ALDH16A1: variants seen among roughly 807,000 people sequenced by gnomAD.
The protein encoded by ALDH16A1 is aldehyde dehydrogenase 16 family member A1.
ALDH16A1 carries 88 observed loss-of-function variants against 96.1 expected under a neutral mutation model. That is an observed-to-expected ratio of 0.92 (90% CI 0.77 to 1.09). ALDH16A1 has a LOEUF of 1.09. ALDH16A1 is among the 50% of genes least tolerant of loss of function. The pLI is 0.00. For missense variants in ALDH16A1, 1,250 were observed against 1,112.6 expected, an observed-to-expected ratio of 1.12 and a Z score of -1.76; for synonymous variants, 522 against 496.4, an observed-to-expected ratio of 1.05 and a Z score of -0.69.
Position 49,459,003 on chromosome 19 carries a change from G to A in ALDH16A1, c.237G>A (p.Val79=), listed in dbSNP as rs372780806. The change falls in exon 3 of 17, where the codon GTG becomes GTA. Residue 79 remains valine (V), a synonymous_variant. Coordinates refer to ENST00000293350, the MANE Select transcript of ALDH16A1 (RefSeq NM_153329.4). The surrounding 1 kb of genome is among the most constrained non-coding windows in gnomAD (Gnocchi z 4.1). The part of the protein sequence containing the change: ...ASCLQAQAED[V]AAAVEAARMA... ...GCCTGCAGGCACAGGCCGAGGATGTGGCTGCAGCCGTGGAGGCAGCCAGGA... is the reference window on the plus strand; with the variant it reads ...GCCTGCAGGCACAGGCCGAGGATGTAGCTGCAGCCGTGGAGGCAGCCAGGA... 1 of 1,613,482 alleles carries A rather than the reference G, an allele frequency of 6.2e-7. No homozygotes were observed. Among genetic ancestry groups the A allele is most frequent in the African/African-American group, 1.3e-5 (1 of 75,062 alleles).
At chr19:49,460,992 G>A (rs957095619) in intron 5 of ALDH16A1, 93 bp downstream of exon 5, 5 of 1,369,574 alleles carry the variant, frequency 3.7e-6, no homozygotes, top group South Asian at 1.2e-5. Context: ...CAAGGGGGCT[G>A]GAGGCCTGGA....
intron 7 of ALDH16A1, 46 bp downstream of exon 7, chr19:49,462,082 G>A: frequency 6.7e-7 from 1 of 1,493,728 alleles, no homozygotes; most frequent in Non-Finnish European, 8.8e-7. Flanking sequence ...GAGGCCGTTG[G>A]TGTCTGTCTC....
chr19:49,453,462 A>G (rs1296389358), intron 1 of ALDH16A1, 41 bp downstream of exon 1: 5 of 1,485,008 alleles, frequency 3.4e-6, no homozygotes, highest in South Asian at 1.2e-5. Context: ...TGCGTTCCCC[A>G]GGCCTGGGCG....
chr19:49,458,174 A>G (rs1232876935), intron 1 of ALDH16A1, among the ~76,000 whole-genome samples: 1 of 151,848 alleles, frequency 6.6e-6, no homozygotes, highest in Non-Finnish European at 1.5e-5. Flanking sequence ...AGCTGAGATC[A>G]TGCCACTGCA....
At chr19:49,466,589 A>T (rs2079201195) in intron 14 of ALDH16A1, among the ~76,000 whole-genome samples, 1 of 152,218 alleles carries the variant, frequency 6.6e-6, no homozygotes, top group African/African-American at 2.4e-5. Context: ...CTGGGGGCGC[A>T]GTGGCTCACG....
At chr19:49,457,277 G>A (rs2079110076) in intron 1 of ALDH16A1, among the ~76,000 whole-genome samples, 1 of 152,132 alleles carries the variant, frequency 6.6e-6, no homozygotes, top group South Asian at 2.1e-4. Context: ...TCCGGGCGCA[G>A]TGGCTCACGC....
chr19:49,466,385 C>A, intron 14 of ALDH16A1, 102 bp downstream of exon 14: 1 of 1,224,248 alleles, frequency 8.2e-7, no homozygotes, highest in Non-Finnish European at 1.1e-6. Context: ...CCAGCCCCAC[C>A]GCCTTCCACG....
Position 49,461,808 on chromosome 19 carries a change from C to G in ALDH16A1, c.759+8C>G. ...TTCTGCGGAGCCCCGGAGGTACCTT[C>G]GGGACAGGGGTCGTGGCGGAACGCG... On this transcript the variant is annotated splice_region_variant and intron_variant, in intron 6 of 16. Transcript: ENST00000293350. 1.2e-6 allele frequency: 2 copies of G among 1,609,546 alleles called. No homozygotes were observed. Among genetic ancestry groups the G allele is most frequent in the Non-Finnish European group, 1.7e-6 (2 of 1,178,164 alleles).
At chr19:49,453,921 C>A (rs1453679500) in intron 1 of ALDH16A1, among the ~76,000 whole-genome samples, 2 of 152,130 alleles carry the variant, frequency 1.3e-5, no homozygotes, top group Non-Finnish European at 2.9e-5. Flanking sequence ...CATGGAGCCC[C>A]CGTGATCCCA....
chr19:49,468,628 C>T lies in ALDH16A1; in HGVS notation c.2124+62C>T, dbSNP rs1158488637. 1 of 1,565,708 alleles carries T rather than the reference C, an allele frequency of 6.4e-7. No individual in the cohort carries two copies. The highest frequency in any genetic ancestry group is 1.3e-5 in the African/African-American group (1 of 74,168). On this transcript the variant is annotated intron_variant, in intron 15 of 16. Coordinates refer to ENST00000293350, the MANE Select transcript of ALDH16A1 (RefSeq NM_153329.4). This position sits in a 1 kb window ranked among gnomAD's most constrained non-coding sequence, Gnocchi z 4.4. ...GCCTCAGGGCAGCAGAAAAAGGCGC[C>T]CCAAAGTCGGCAGGAGCTTGTCTCT...
rs943332705 is a variant in ALDH16A1 at position 49,453,343 on chromosome 19, G to C, written c.12G>C (p.Thr4=). Residue 4 remains threonine, a synonymous_variant, in exon 1 of 17, where the codon ACG becomes ACC. Transcript: ENST00000293350. Reference sequence around the variant, plus strand: ...GTTCGGGGTAGGCGATGGCTGCGACGCGTGCAGGGCCCCGCGCCCGCGAGA... The same window carrying C: ...GTTCGGGGTAGGCGATGGCTGCGACCCGTGCAGGGCCCCGCGCCCGCGAGA... MAA[T]RAGPRAREIF... 4.5e-6 allele frequency: 7 copies of C among 1,552,274 alleles called. No individual in the cohort carries two copies. Among genetic ancestry groups the C allele is most frequent in the Admixed American group, 1.9e-5 (1 of 53,928 alleles).
At chr19:49,462,292 G>A (rs1398838246) in intron 7 of ALDH16A1, among the ~76,000 whole-genome samples, 2 of 151,892 alleles carry the variant, frequency 1.3e-5, no homozygotes, top group Non-Finnish European at 2.9e-5. Flanking sequence ...GCACCACCAT[G>A]CCTGGCTAAT....
chr19:49,470,286 C>A lies in ALDH16A1; in HGVS notation c.2248-20C>A. On this transcript the variant is annotated intron_variant, in intron 16 of 16. Coordinates refer to ENST00000293350, the MANE Select transcript of ALDH16A1 (RefSeq NM_153329.4). The stretch of plus-strand genomic sequence containing the variant: ...AACAAGCCTGCAGAAGTGCTTACCC[C>A]CGTCTCTTCCTCCCCTCAGGGTTCC... 6.2e-7 allele frequency: 1 copy of A among 1,612,476 alleles called. No homozygotes were observed. The highest frequency in any genetic ancestry group is 8.5e-7 in the Non-Finnish European group (1 of 1,179,358).
intron 1 of ALDH16A1, among the ~76,000 whole-genome samples, chr19:49,455,711 C>T (rs2079101525): frequency 6.6e-6 from 1 of 152,126 alleles, no homozygotes; most frequent in Non-Finnish European, 1.5e-5. Flanking sequence ...GCCTGGGCAA[C>T]ATGGTGAGGC....
chr19:49,460,922 C>G, intron 5 of ALDH16A1, 23 bp downstream of exon 5: 3 of 1,608,244 alleles, frequency 1.9e-6, no homozygotes, highest in Non-Finnish European at 2.6e-6. Flanking sequence ...CTGGGGGGTC[C>G]TGACTCTTGG....
rs1601039147 is a variant in ALDH16A1 at position 49,466,075 on chromosome 19, C to T, written c.1737-7C>T. ...GCCAACCCCCACTGTGCGCTGTCTG[C>T]CCACAGCTGGGCGGGCCAGTCCCCA... On this transcript the variant is annotated splice_region_variant and splice_polypyrimidine_tract_variant and intron_variant, in intron 13 of 16. Coordinates refer to ENST00000293350, the MANE Select transcript of ALDH16A1 (RefSeq NM_153329.4). The T allele has an allele frequency of 6.5e-7, 1 of 1,541,382 alleles. No homozygotes were observed. Among genetic ancestry groups the T allele is most frequent in the Non-Finnish European group, 8.7e-7 (1 of 1,147,072 alleles).
At position 49,453,535 on chromosome 19, in the gene ALDH16A1, G is replaced by A. The variant is rs1408604011; in HGVS notation, c.90+114G>A. The A allele has an allele frequency of 7.9e-6, 8 of 1,018,128 alleles. No homozygotes were observed. The East Asian group carries it at 1.9e-4, about 24-fold the overall frequency. 63.1% of individuals were successfully genotyped at this position (1,018,128 alleles called of 1,614,324 possible). A position where few individuals can be genotyped will look rare whatever the true frequency, so the allele number is the denominator to read the frequency against. ...TAGCTCAGCCGCTCCGCCTCTCTTA[G>A]TCCCCGTGATTCCCGCCGCCCAATA... On this transcript the variant is annotated intron_variant, in intron 1 of 16. Coordinates refer to ENST00000293350, the MANE Select transcript of ALDH16A1 (RefSeq NM_153329.4).
At position 49,459,600 on chromosome 19, in the gene ALDH16A1, T is replaced by C; in HGVS notation, c.321-70T>C. ...TCATGGGGATTGTAGTCCAGGTATA[T>C]AGGAGCAGCCCAGGACTCTGCAAGG... On this transcript the variant is annotated intron_variant, in intron 3 of 16. Coordinates refer to ENST00000293350, the MANE Select transcript of ALDH16A1 (RefSeq NM_153329.4). The surrounding 1 kb of genome is among the most constrained non-coding windows in gnomAD (Gnocchi z 4.1). The C allele has an allele frequency of 1.3e-6, 2 of 1,498,952 alleles. No homozygotes were observed. The highest frequency in any genetic ancestry group is 1.4e-5 in the African/African-American group (1 of 70,872). 92.9% of individuals were successfully genotyped at this position (1,498,952 alleles called of 1,614,324 possible).
chr19:49,466,357 C>T (rs2079199044), intron 14 of ALDH16A1, 74 bp downstream of exon 14: 1 of 1,390,808 alleles, frequency 7.2e-7, no homozygotes, highest in Non-Finnish European at 9.3e-7. Flanking sequence ...TGAGATAACC[C>T]AGGCTTGGAA....
Sources: allele counts gnomAD v4.1 joint callset (sites outside exome capture counted in the v4.1 genomes callset), GRCh38; gene constraint gnomAD v4.1.1; non-coding constraint Gnocchi (gnomAD v3.1); transcripts MANE v1.5; gene names NCBI Gene and HGNC (gene_info 2026-07-23, HGNC 2026-07-21).